RIPOR2: variants seen among roughly 807,000 people sequenced by gnomAD.
RIPOR2 encodes the protein rho family-interacting cell polarization regulator 2.
Under a neutral mutation model 114.5 loss-of-function variants are expected in RIPOR2, and 39 were observed. The observed-to-expected ratio is 0.34, with a 90% CI of 0.26 to 0.44. The LOEUF is 0.44. Ranked by LOEUF, RIPOR2 falls within the 20% of genes least tolerant of loss-of-function variation. The probability of loss-of-function intolerance (pLI) is 1.00; values close to 1 mark genes in which losing one functional copy is unlikely to be tolerated. For missense variants in RIPOR2, 1,007 were observed against 1,255.1 expected, an observed-to-expected ratio of 0.80 and a Z score of 2.99; for synonymous variants, 445 against 484.4, an observed-to-expected ratio of 0.92 and a Z score of 1.07.
chr6:25,010,303 G>C (rs1207938325), intron 1 of RIPOR2, among the ~76,000 whole-genome samples: 1 of 152,060 alleles, frequency 6.6e-6, no homozygotes, highest in African/African-American at 2.4e-5. Flanking sequence ...GTTAGAAAGA[G>C]CCTGGCCCTC....
chr6:25,010,018 A>T (rs1044388500), intron 1 of RIPOR2, among the ~76,000 whole-genome samples: 2 of 152,194 alleles, frequency 1.3e-5, no homozygotes, highest in Admixed American at 1.3e-4. Context: ...AGGATCAAGA[A>T]CAGCTTCAAG....
At chr6:24,854,642 C>A (rs1763265542) in intron 8 of RIPOR2, among the ~76,000 whole-genome samples, 1 of 151,930 alleles carries the variant, frequency 6.6e-6, no homozygotes, top group Non-Finnish European at 1.5e-5. Context: ...ATTGAAGGAA[C>A]CAAAATAATT....
At chr6:24,831,617 A>T (rs1171733548) in intron 16 of RIPOR2, among the ~76,000 whole-genome samples, 1 of 152,216 alleles carries the variant, frequency 6.6e-6, no homozygotes, top group African/African-American at 2.4e-5. Flanking sequence ...TGTGGGAGGC[A>T]GAAATGCACA....
chr6:24,980,541 A>T lies in RIPOR2; in HGVS notation c.76+61310T>A, dbSNP rs992720965. Among the ~76,000 whole-genome samples the T allele has an allele frequency of 1.8e-4, 27 of 152,186 alleles. 1 individual carries two copies. Among genetic ancestry groups the T allele is most frequent in the Non-Finnish European group, 1.8e-4 (12 of 68,032 alleles). ...TTCCATCTCTCTCCTTGCTCTTGTC[A>T]GAGCCGTAGGTGCAACTATGGTTTG... On this transcript the variant is annotated intron_variant, in intron 1 of 13. Coordinates refer to the RIPOR2 transcript ENST00000510784.
At chr6:25,024,204 A>T in intron 1 of RIPOR2, 1 of 1,478,124 alleles carries the variant, frequency 6.8e-7, no homozygotes, top group East Asian at 2.3e-5. Flanking sequence ...GGGCCTGGCG[A>T]GAAAGGTGCC....
At chr6:24,993,407 C>T (rs1040844747) in intron 1 of RIPOR2, among the ~76,000 whole-genome samples, 6 of 152,208 alleles carry the variant, frequency 3.9e-5, no homozygotes, top group South Asian at 2.1e-4. Context: ...GCAATCCATG[C>T]TTCTTTTTCT....
chr6:25,008,672 A>G (rs1775655660), intron 1 of RIPOR2, among the ~76,000 whole-genome samples: 1 of 152,242 alleles, frequency 6.6e-6, no homozygotes, highest in Non-Finnish European at 1.5e-5. Flanking sequence ...ATACAATAAG[A>G]GATTTCAGAT....
At chr6:25,033,108 G>A (rs570655956) in intron 1 of RIPOR2, among the ~76,000 whole-genome samples, 1 of 152,214 alleles carries the variant, frequency 6.6e-6, no homozygotes, top group South Asian at 2.1e-4. Flanking sequence ...GGAGGCTGAG[G>A]TAGGAAGACG....
chr6:24,942,421 T>C lies in RIPOR2; in HGVS notation c.77-66604A>G, dbSNP rs189241579. Among the ~76,000 whole-genome samples the C allele has an allele frequency of 1.7e-3, 261 of 152,342 alleles. 1 individual carries two copies. The highest frequency in any genetic ancestry group is 4.8e-3 in the South Asian group (23 of 4,832). The stretch of plus-strand genomic sequence containing the variant: ...CCTTTAAAAAGCCTTTCTTTGGGTA[T>C]ATACCCAGTAATGCAATTGCTGGGT... On this transcript the variant is annotated intron_variant, in intron 1 of 13. Transcript: ENST00000510784.
rs1771770924 is a variant in RIPOR2, at chr6:24,935,843, C to A, written c.56G>T (p.Gly19Val). The A allele has an allele frequency of 1.3e-6, 2 of 1,534,874 alleles. No individual in the cohort carries two copies. The highest frequency in any genetic ancestry group is 4.9e-5 in the East Asian group (2 of 40,904). ...LLVDEEDDVFGEGLPTRLPEI... is the reference protein window; with the variant it reads ...LLVDEEDDVFVEGLPTRLPEI... Reference sequence around the variant, plus strand: ...TGCCAGAAAGATGCATTTACCTTCACCAAAAACATCATCCTCTTCATCGAC... The same window carrying A: ...TGCCAGAAAGATGCATTTACCTTCAACAAAAACATCATCCTCTTCATCGAC... The change falls in exon 1 of 22, where the codon GGT becomes GTT. Residue 19 changes from glycine to valine, a missense_variant. Gly to Val is a moderately radical substitution (Grantham distance 109). Coordinates refer to ENST00000643898, the MANE Select transcript of RIPOR2 (RefSeq NM_001286445.3).
chr6:24,934,333 C>T (rs555107177), intron 1 of RIPOR2, among the ~76,000 whole-genome samples: 3 of 152,274 alleles, frequency 2.0e-5, no homozygotes, highest in African/African-American at 4.8e-5. Context: ...GTGGCCTAAA[C>T]GCCTGCCATC....
intron 1 of RIPOR2, among the ~76,000 whole-genome samples, chr6:25,036,500 T>C (rs574844680): frequency 2.0e-5 from 3 of 152,230 alleles, no homozygotes; most frequent in African/African-American, 7.2e-5. Context: ...CAATCAATCC[T>C]CCTGCCTCAG....
intron 1 of RIPOR2, among the ~76,000 whole-genome samples, chr6:25,021,586 T>G (rs924130763): frequency 6.6e-6 from 1 of 151,998 alleles, no homozygotes; most frequent in African/African-American, 2.4e-5. Context: ...GGAGCTAAGC[T>G]ATGAGGATGC....
In RIPOR2 at chr6:24,895,075, CAG is replaced by C. The variant is rs572573260; in HGVS notation, c.62-19260_62-19259del. 4.2e-3 allele frequency among the ~76,000 whole-genome samples: 636 copies of C among 152,166 alleles called. 2 individuals carry two copies. The highest frequency in any genetic ancestry group is 0.014 in the Middle Eastern group (4 of 294). ...TTTTGTTTTGTTTTGTTTTTTGAGA[CAG>C]AGTCTCACTCTGTCGCCTAGGCTGG... is the stretch of plus-strand genomic sequence containing the variant. On this transcript the variant is annotated intron_variant, in intron 1 of 21. Coordinates refer to ENST00000643898, the MANE Select transcript of RIPOR2 (RefSeq NM_001286445.3).
Position 24,859,930 on chromosome 6 carries a change from A to C in RIPOR2, c.715+1043T>G, listed in dbSNP as rs539789876. The stretch of plus-strand genomic sequence containing the variant: ...AATTGCATAAGCACCAGCCCTCTTC[A>C]CTGCAGTCAGATGGGCCAAAACTTG... On this transcript the variant is annotated intron_variant, in intron 8 of 21. Transcript: ENST00000643898. Among the ~76,000 whole-genome samples, 5 of 152,348 alleles carry C rather than the reference A, an allele frequency of 3.3e-5. No homozygotes were observed. In the South Asian group the frequency reaches 1.0e-3, roughly 32 times the overall value.
At chr6:24,968,279 G>C (rs1298767689) in intron 1 of RIPOR2, among the ~76,000 whole-genome samples, 2 of 152,060 alleles carry the variant, frequency 1.3e-5, no homozygotes, top group African/African-American at 2.4e-5. Flanking sequence ...TTCAAATGAG[G>C]GCCTTGACTG....
chr6:24,926,552 T>A (rs1277654743), intron 1 of RIPOR2, among the ~76,000 whole-genome samples: 1 of 152,170 alleles, frequency 6.6e-6, no homozygotes, highest in Non-Finnish European at 1.5e-5. Flanking sequence ...GGTTTGCTAA[T>A]TCATGAGCCA....
chr6:24,878,375 CT>C (rs1012863809), intron 1 of RIPOR2, among the ~76,000 whole-genome samples: 5 of 152,230 alleles, frequency 3.3e-5, no homozygotes, highest in Admixed American at 2.6e-4. Context: ...TCTGTTCTTT[CT>C]GTACTCAATT....
At chr6:24,919,646 G>C (rs542878129) in intron 1 of RIPOR2, among the ~76,000 whole-genome samples, 3 of 152,170 alleles carry the variant, frequency 2.0e-5, no homozygotes, top group African/African-American at 4.8e-5. Flanking sequence ...ACCTGCTCTC[G>C]TTTGTTCTCT....
Sources: gnomAD v4.1 joint callset for allele counts (sites outside exome capture counted in the v4.1 genomes callset) on GRCh38, gnomAD v4.1.1 for gene constraint, MANE v1.5 for transcripts, NCBI Gene and HGNC (gene_info 2026-07-23, HGNC 2026-07-21) for gene names.